ANKRD30B: variants seen among roughly 807,000 people sequenced by gnomAD.
ANKRD30B encodes the protein ankyrin repeat domain-containing protein 30B.
In ANKRD30B, 144 loss-of-function variants were observed where a neutral mutation model predicts 202.2. The observed-to-expected ratio is 0.71, with a 90% CI of 0.62 to 0.82. ANKRD30B has a LOEUF of 0.82. Among genes scored for constraint, ANKRD30B ranks in the 40% least tolerant of loss-of-function variants. The pLI is 0.00. For synonymous variants in ANKRD30B, 508 were observed against 561.3 expected (o/e 0.91, Z 1.34); for missense variants, 1,487 against 1,669.1 (o/e 0.89, Z 1.90).
chr18:14,833,226 G>T (rs1298319678), intron 34 of ANKRD30B, among the ~76,000 whole-genome samples: 1 of 151,380 alleles, frequency 6.6e-6, no homozygotes, highest in Admixed American at 6.6e-5. Context: ...GAGAACCACC[G>T]CGTCCAGCCG....
At chr18:14,928,764 T>A in the ANKRD30B span, among the ~76,000 whole-genome samples, 2 of 152,220 alleles carry the variant, frequency 1.3e-5, no homozygotes, top group African/African-American at 2.4e-5. Context: ...CCCTGACTAA[T>A]ATGTTAATCA....
chr18:14,789,148 T>G (rs2143910356), intron 15 of ANKRD30B, among the ~76,000 whole-genome samples: 1 of 152,346 alleles, frequency 6.6e-6, no homozygotes, highest in South Asian at 2.1e-4. Flanking sequence ...TGGCCAATGA[T>G]GGTGAGCATT....
intron 7 of ANKRD30B, 120 bp from the exon 8 acceptor site, chr18:14,769,223 C>G (rs1193079798): frequency 1.4e-6 from 1 of 724,944 alleles, no homozygotes; most frequent in Non-Finnish European, 2.2e-6. Flanking sequence ...CCTCCTGCCT[C>G]ACCTTCCCAA....
chr18:14,804,566 C>G (rs1360535999), intron 24 of ANKRD30B, among the ~76,000 whole-genome samples: 11 of 150,576 alleles, frequency 7.3e-5, no homozygotes, highest in Admixed American at 5.3e-4. Flanking sequence ...GGTCGTTGGA[C>G]CTTGCTCTGA....
intron 18 of ANKRD30B, 62 bp from the exon 19 acceptor site, chr18:14,797,599 A>C: frequency 1.3e-6 from 2 of 1,500,336 alleles, no homozygotes; most frequent in Non-Finnish European, 1.9e-6. Flanking sequence ...ACACTGTATG[A>C]ACGTTTGGTA....
chr18:14,782,360 A>G (rs1967802286), intron 11 of ANKRD30B, among the ~76,000 whole-genome samples, 167 bp from the exon 12 acceptor site: 1 of 152,238 alleles, frequency 6.6e-6, no homozygotes, highest in Non-Finnish European at 1.5e-5. Context: ...CCTAGATAGC[A>G]TATGTGAGGG....
intron 1 of ANKRD30B, among the ~76,000 whole-genome samples, chr18:14,751,272 G>GT (rs1282540310): frequency 6.6e-6 from 1 of 151,952 alleles, no homozygotes; most frequent in Non-Finnish European, 1.5e-5. Context: ...ATTTATAGCA[G>GT]TTTTTTAAGA....
chr18:14,885,591 G>A, the ANKRD30B span, among the ~76,000 whole-genome samples: 48 of 152,090 alleles, frequency 3.2e-4, no homozygotes, highest in African/African-American at 1.0e-3. Flanking sequence ...TAGAGTTTTT[G>A]TTGTTATAGG....
the ANKRD30B span, among the ~76,000 whole-genome samples, chr18:14,913,824 T>G: frequency 2.8e-4 from 43 of 152,230 alleles, no homozygotes; most frequent in Admixed American, 5.2e-4. Context: ...CCTCTCACAG[T>G]GTCCTGTTGG....
intron 15 of ANKRD30B, among the ~76,000 whole-genome samples, chr18:14,790,822 G>T (rs1172567704): frequency 6.6e-6 from 1 of 152,014 alleles, no homozygotes; most frequent in African/African-American, 2.4e-5. Flanking sequence ...TTGCATCAAT[G>T]TTCATCAGGG....
rs751020782 is a variant in ANKRD30B, at chr18:14,763,744, C to G, written c.879C>G (p.Asp293Glu). ...CACCCTTGGCGGAAAGAACACCTGACACGGCTGAAAGCTTGCTGGAAAAAA... is the reference window on the plus strand; with the variant it reads ...CACCCTTGGCGGAAAGAACACCTGAGACGGCTGAAAGCTTGCTGGAAAAAA... Reference protein sequence around the residue: ...EAAPLAERTPDTAESLLEKTP... With the variant: ...EAAPLAERTPETAESLLEKTP... The change falls in exon 7 of 44, where the codon GAC becomes GAG. Residue 293 changes from aspartate (D) to glutamate (E), a missense_variant. Physicochemically the swap from Asp to Glu is conservative, Grantham distance 45 (BLOSUM62 2). This residue lies in a region of ANKRD30B where 889 missense variants were observed against 841.4 expected (regional missense o/e 1.06). Coordinates refer to ENST00000690538, the MANE Select transcript of ANKRD30B (RefSeq NM_001367607.2). 6.2e-7 allele frequency: 1 copy of G among 1,614,044 alleles called. No individual in the cohort carries two copies. Among genetic ancestry groups the G allele is most frequent in the Non-Finnish European group, 8.5e-7 (1 of 1,180,008 alleles).
In ANKRD30B at chr18:14,796,213, A is replaced by T. The variant is rs373465224; in HGVS notation, c.1826-8A>T. On this transcript the variant is annotated splice_region_variant and splice_polypyrimidine_tract_variant and intron_variant, in intron 16 of 43. Coordinates refer to ENST00000690538, the MANE Select transcript of ANKRD30B (RefSeq NM_001367607.2). ...TATAATCAATTATATATGTCCCTTT[A>T]CGTTTAGAGTCTCCTGTTAAAGATG... The T allele has an allele frequency of 1.9e-4, 297 of 1,593,080 alleles. 2 individuals are homozygous for T. In the African/African-American group the frequency reaches 3.1e-3, roughly 17 times the overall value.
At position 14,789,217 on chromosome 18, in the gene ANKRD30B, C is replaced by T. The variant is rs184824092; in HGVS notation, c.1734+2117C>T. On this transcript the variant is annotated intron_variant, in intron 15 of 43. Transcript: ENST00000690538. The stretch of plus-strand genomic sequence containing the variant: ...CTTTTGAGAAGTGTCTGTTCATGTC[C>T]TTCACCCACTTTTTGATGGGGTTGT... 1.2e-3 allele frequency among the ~76,000 whole-genome samples: 183 copies of T among 152,276 alleles called. 1 individual carries two copies. Among genetic ancestry groups the T allele is most frequent in the African/African-American group, 4.3e-3 (178 of 41,560 alleles).
At chr18:14,909,488 A>G in the ANKRD30B span, among the ~76,000 whole-genome samples, 2 of 151,952 alleles carry the variant, frequency 1.3e-5, no homozygotes, top group Non-Finnish European at 2.9e-5. Context: ...TCTCACTACA[A>G]CCTCCGCCTC....
intron 26 of ANKRD30B, 65 bp downstream of exon 26, chr18:14,808,809 G>A: frequency 7.3e-7 from 1 of 1,366,260 alleles, no homozygotes; most frequent in East Asian, 2.5e-5. Context: ...AATGCCAAGA[G>A]CCTTTTATTC....
intron 34 of ANKRD30B, among the ~76,000 whole-genome samples, chr18:14,833,983 A>AT (rs1971068212): frequency 1.3e-5 from 2 of 152,156 alleles, no homozygotes; most frequent in Non-Finnish European, 2.9e-5. Flanking sequence ...TTTAGTTGCT[A>AT]TGTATGATTT....
rs553007822 is a variant in ANKRD30B at position 14,829,384 on chromosome 18, T to C, written c.2774+1076T>C. Among the ~76,000 whole-genome samples the C allele has an allele frequency of 9.9e-5, 15 of 152,258 alleles. No individual in the cohort carries two copies. The East Asian group carries it at 2.9e-3, about 29-fold the overall frequency. On this transcript the variant is annotated intron_variant, in intron 33 of 43. Coordinates refer to ENST00000690538, the MANE Select transcript of ANKRD30B (RefSeq NM_001367607.2). Reference sequence around the variant, plus strand: ...CATTACTCTTGTTTTTATATCATCATGTAAGTGAGTGTTTGAATAATAGAA... The same window carrying C: ...CATTACTCTTGTTTTTATATCATCACGTAAGTGAGTGTTTGAATAATAGAA...
chr18:14,929,573 T>G, the ANKRD30B span, among the ~76,000 whole-genome samples: 3 of 152,192 alleles, frequency 2.0e-5, no homozygotes, highest in Non-Finnish European at 4.4e-5. Flanking sequence ...TCCAATTTTT[T>G]TACTTTCCAG....
chr18:14,918,843 C>A, the ANKRD30B span, among the ~76,000 whole-genome samples: 1 of 152,136 alleles, frequency 6.6e-6, no homozygotes, highest in Non-Finnish European at 1.5e-5. Context: ...GAGGTGGGGC[C>A]TTTATGAGGT....
Sources: allele counts gnomAD v4.1 joint callset (sites outside exome capture counted in the v4.1 genomes callset), GRCh38; gene constraint gnomAD v4.1.1; regional missense constraint gnomAD v4.1.1; transcripts MANE v1.5; gene names NCBI Gene and HGNC (gene_info 2026-07-23, HGNC 2026-07-21).